CTIF: variants seen among roughly 807,000 people sequenced by gnomAD.
CTIF encodes the protein CBP80/20-dependent translation initiation factor.
Under a neutral mutation model 66.0 loss-of-function variants are expected in CTIF, and 21 were observed. The observed-to-expected ratio is 0.32, with a 90% CI of 0.23 to 0.46. CTIF has a LOEUF of 0.46. Ranked by LOEUF, CTIF falls within the 20% of genes least tolerant of loss-of-function variation. CTIF has a pLI of 1.00. For missense variants in CTIF, 739 were observed against 812.7 expected (o/e 0.91, Z 1.10); for synonymous variants, 345 against 326.4 (o/e 1.06, Z -0.62).
chr18:48,730,712 C>CGCGGTGTGAGGGGCTTCT lies in CTIF; in HGVS notation c.584+19034_584+19035insTGCGGTGTGAGGGGCTTC, dbSNP rs1555681539. On this transcript the variant is annotated intron_variant, in intron 7 of 11. Transcript: ENST00000256413. ...GAGCCCCTGAGGTGTGAGGGGCTTC[C>CGCGGTGTGAGGGGCTTCT]GCGGTGTGAGGGGCTTCCGTGGTGT... is the stretch of plus-strand genomic sequence containing the variant. Among the ~76,000 whole-genome samples, 16 of 71,230 alleles carry CGCGGTGTGAGGGGCTTCT rather than the reference C, an allele frequency of 2.2e-4. 2 individuals are homozygous for CGCGGTGTGAGGGGCTTCT. The highest frequency in any genetic ancestry group is 9.7e-4 in the South Asian group (2 of 2,060). The allele number at this position is 71,230 out of a possible 152,430, so 46.7% of individuals were successfully genotyped here. A position where few individuals can be genotyped will look rare whatever the true frequency, so the allele number is the denominator to read the frequency against.
At chr18:48,794,838 C>G (rs549867726) in intron 9 of CTIF, among the ~76,000 whole-genome samples, 2 of 152,000 alleles carry the variant, frequency 1.3e-5, no homozygotes, top group African/African-American at 4.8e-5. Flanking sequence ...GTATTGCATT[C>G]GAGTCAGCAC....
chr18:48,625,521 A>T (rs921931943), intron 2 of CTIF, among the ~76,000 whole-genome samples: 10 of 152,252 alleles, frequency 6.6e-5, no homozygotes, highest in Admixed American at 6.5e-4. Context: ...ACCTCCCATC[A>T]GATGAGTGAG....
intron 1 of CTIF, among the ~76,000 whole-genome samples, chr18:48,569,618 C>G (rs891202768): frequency 6.6e-6 from 1 of 152,182 alleles, no homozygotes; most frequent in African/African-American, 2.4e-5. Context: ...TAAAGTACTA[C>G]GTTTGCAGAG....
At chr18:48,747,205 T>C (rs536037091) in intron 7 of CTIF, among the ~76,000 whole-genome samples, 120 of 152,222 alleles carry the variant, frequency 7.9e-4, no homozygotes, top group Non-Finnish European at 1.5e-3. Flanking sequence ...TATTCTTCAT[T>C]CGTTAGCTCA....
At chr18:48,779,807 C>T (rs1911042822) in intron 9 of CTIF, among the ~76,000 whole-genome samples, 1 of 152,220 alleles carries the variant, frequency 6.6e-6, no homozygotes, top group Non-Finnish European at 1.5e-5. Flanking sequence ...GGGCTGGTTT[C>T]CAACCCACCA....
chr18:48,646,843 G>A (rs1029233217), intron 3 of CTIF, among the ~76,000 whole-genome samples: 1 of 139,816 alleles, frequency 7.2e-6, no homozygotes, highest in African/African-American at 2.6e-5. Context: ...GATCACTCCT[G>A]CAGTAGGAGT....
At chr18:48,632,822 A>G (rs949630542) in intron 2 of CTIF, among the ~76,000 whole-genome samples, 1 of 151,616 alleles carries the variant, frequency 6.6e-6, no homozygotes, top group Admixed American at 6.6e-5. Flanking sequence ...GTTATTTGAC[A>G]TGTCATCTGA....
rs570747425 is a variant in CTIF at position 48,582,300 on chromosome 18, T to G, written c.-28-37238T>G. On this transcript the variant is annotated intron_variant, in intron 1 of 11. Coordinates refer to ENST00000256413, the MANE Select transcript of CTIF (RefSeq NM_014772.3). ...GCTTCCATGGGGCAGGGCAGGGAGG[T>G]CATGGACCACGCATGGTGTGGACAC... Among the ~76,000 whole-genome samples the G allele has an allele frequency of 6.5e-4, 97 of 150,232 alleles. 3 individuals are homozygous for G. In the South Asian group the frequency reaches 0.02, roughly 30 times the overall value.
intron 10 of CTIF, among the ~76,000 whole-genome samples, chr18:48,835,372 T>C (rs1778537873): frequency 6.6e-6 from 1 of 152,190 alleles, no homozygotes; most frequent in South Asian, 2.1e-4. Context: ...GCAGTCACTG[T>C]CCTACACTCC....
rs1325978258 is a variant in CTIF, at chr18:48,698,676, A to G, written c.508-12943A>G. Among the ~76,000 whole-genome samples, 4 of 152,212 alleles carry G rather than the reference A, an allele frequency of 2.6e-5. No individual in the cohort carries two copies. The East Asian group carries it at 7.7e-4, about 29-fold the overall frequency. ...TTCTCTCAGCCTTGAATCTTTCCCG[A>G]TCTTTTCAACCTGGTCATTCTGGTC... is the stretch of plus-strand genomic sequence containing the variant. On this transcript the variant is annotated intron_variant, in intron 6 of 11. Coordinates refer to ENST00000256413, the MANE Select transcript of CTIF (RefSeq NM_014772.3).
chr18:48,741,937 C>G (rs114018097), intron 7 of CTIF, among the ~76,000 whole-genome samples: 1 of 152,198 alleles, frequency 6.6e-6, no homozygotes, highest in Non-Finnish European at 1.5e-5. Context: ...CCTCCTTGTC[C>G]CCCAGCTCAG....
chr18:48,707,331 G>A (rs1406922367), intron 6 of CTIF, among the ~76,000 whole-genome samples: 2 of 152,156 alleles, frequency 1.3e-5, no homozygotes, highest in Non-Finnish European at 2.9e-5. Flanking sequence ...CCCTGGCCAG[G>A]CCACCAGAAG....
At chr18:48,794,212 A>C (rs763544965) in intron 9 of CTIF, among the ~76,000 whole-genome samples, 1 of 152,224 alleles carries the variant, frequency 6.6e-6, no homozygotes, top group Non-Finnish European at 1.5e-5. Flanking sequence ...ATATGCAGTC[A>C]ATACCACTCA....
chr18:48,576,408 G>C (rs538474339), intron 1 of CTIF, among the ~76,000 whole-genome samples: 1 of 152,336 alleles, frequency 6.6e-6, no homozygotes, highest in Non-Finnish European at 1.5e-5. Context: ...GTCCCTTCTT[G>C]AGATGGCCTT....
At chr18:48,730,917 C>T (rs564155554) in intron 7 of CTIF, among the ~76,000 whole-genome samples, 3 of 152,090 alleles carry the variant, frequency 2.0e-5, no homozygotes, top group Non-Finnish European at 2.9e-5. Context: ...AGGACGTTTT[C>T]ATCATGGCAA....
intron 2 of CTIF, among the ~76,000 whole-genome samples, chr18:48,632,827 A>G (rs1463913395): frequency 6.6e-6 from 1 of 151,912 alleles, no homozygotes. Context: ...TTGACATGTC[A>G]TCTGACCTCT....
chr18:48,695,874 TC>T (rs2091999245), intron 6 of CTIF, among the ~76,000 whole-genome samples: 1 of 152,234 alleles, frequency 6.6e-6, no homozygotes, highest in African/African-American at 2.4e-5. Flanking sequence ...AGGAAAGAGT[TC>T]GCAGGGAACT....
chr18:48,576,590 T>C (rs1001124765), intron 1 of CTIF, among the ~76,000 whole-genome samples: 1 of 152,228 alleles, frequency 6.6e-6, no homozygotes, highest in African/African-American at 2.4e-5. Flanking sequence ...GAGGTTCTTT[T>C]TCCAGATTCG....
At chr18:48,717,626 G>A (rs1486873842) in intron 7 of CTIF, among the ~76,000 whole-genome samples, 1 of 151,906 alleles carries the variant, frequency 6.6e-6, no homozygotes, top group Non-Finnish European at 1.5e-5. Flanking sequence ...TACTTTAAAG[G>A]AGTGAATTTT....
Sources: gnomAD v4.1 joint callset for allele counts (sites outside exome capture counted in the v4.1 genomes callset) on GRCh38, gnomAD v4.1.1 for gene constraint, MANE v1.5 for transcripts, NCBI Gene and HGNC (gene_info 2026-07-23, HGNC 2026-07-21) for gene names.